The following SLC41A2 variants were observed in gnomAD, a reference collection of about 807,000 sequenced individuals.
SLC41A2 encodes solute carrier family 41 member 2, also known as SLC41A1-like 1.
SLC41A2 carries 32 observed loss-of-function variants against 58.3 expected under a neutral mutation model. The ratio of observed to expected loss-of-function variants is 0.55; its 90% CI spans 0.41 to 0.74. The LOEUF (loss-of-function observed/expected upper bound fraction) is 0.74. Among genes scored for constraint, SLC41A2 ranks in the 30% least tolerant of loss-of-function variants. The pLI is 0.00. For synonymous variants in SLC41A2, 190 were observed against 235.0 expected (o/e 0.81, Z 1.75); for missense variants, 514 against 680.6 (o/e 0.76, Z 2.72).
chr12:104,941,024 G>A (rs185259950), intron 1 of SLC41A2, among the ~76,000 whole-genome samples: 1 of 150,432 alleles, frequency 6.6e-6, no homozygotes, highest in African/African-American at 2.4e-5. Context: ...CTGAATTCAA[G>A]AACTCACATA....
At position 104,952,613 on chromosome 12, in the gene SLC41A2, T is replaced by G. The variant is rs149944767; in HGVS notation, c.-168+5475A>C. ...ATCCAACTTCTTTAATAAGGTTAAC[T>G]AAATCCTGCATAAACACCCCTACTT... On this transcript the variant is annotated intron_variant, in intron 1 of 10. Coordinates refer to ENST00000258538, the MANE Select transcript of SLC41A2 (RefSeq NM_001352171.3). Among the ~76,000 whole-genome samples the G allele has an allele frequency of 6.8e-3, 1,031 of 152,312 alleles. 9 individuals carry two copies. The highest frequency in any genetic ancestry group is 0.024 in the African/African-American group (986 of 41,582).
intron 3 of SLC41A2, among the ~76,000 whole-genome samples, chr12:104,899,033 T>A (rs965289638): frequency 6.6e-6 from 1 of 152,212 alleles, no homozygotes; most frequent in African/African-American, 2.4e-5. Context: ...TGTAAAGGCC[T>A]TTGCTAGGCC....
chr12:104,807,497 G>A (rs2040966638), intron 10 of SLC41A2, among the ~76,000 whole-genome samples: 1 of 152,194 alleles, frequency 6.6e-6, no homozygotes, highest in East Asian at 1.9e-4. Context: ...GTCAGGTAGT[G>A]TGATGCCTCC....
chr12:104,866,587 T>TAAAA lies in SLC41A2; in HGVS notation c.1028-12_1028-9dup. 6 of 1,339,570 alleles carry TAAAA rather than the reference T, an allele frequency of 4.5e-6. No individual in the cohort carries two copies. The highest frequency in any genetic ancestry group is 1.5e-5 in the South Asian group (1 of 66,254). The allele number at this position is 1,339,570 out of a possible 1,614,324, so 83.0% of individuals were successfully genotyped here. ...AAATGTAGTAATAGGTCTCTAAAAT[T>TAAAA]AAAAAAAAAAAAAAAAAGAGAGACA... On this transcript the variant is annotated splice_polypyrimidine_tract_variant and intron_variant, in intron 6 of 10. Transcript: ENST00000258538.
chr12:104,849,125 G>A (rs2042713398), intron 8 of SLC41A2, among the ~76,000 whole-genome samples: 2 of 152,084 alleles, frequency 1.3e-5, no homozygotes, highest in South Asian at 2.1e-4. Flanking sequence ...AGATGATAAC[G>A]AATGGATGAA....
At chr12:104,879,956 G>A (rs1048627647) in intron 6 of SLC41A2, among the ~76,000 whole-genome samples, 6 of 152,032 alleles carry the variant, frequency 3.9e-5, no homozygotes, top group Admixed American at 2.0e-4. Flanking sequence ...GTTGAGCAGT[G>A]GTTTGTAGTT....
chr12:104,830,543 G>A (rs889960765), intron 10 of SLC41A2, among the ~76,000 whole-genome samples: 1 of 151,894 alleles, frequency 6.6e-6, no homozygotes, highest in African/African-American at 2.4e-5. Context: ...GGATGTGGAG[G>A]GCTGGCTGTA....
chr12:104,905,698 C>T (rs989877805), intron 3 of SLC41A2, among the ~76,000 whole-genome samples: 10 of 152,254 alleles, frequency 6.6e-5, no homozygotes, highest in East Asian at 1.9e-4. Context: ...TCGAGCGCAG[C>T]GCCGGTGGGC....
intron 8 of SLC41A2, among the ~76,000 whole-genome samples, chr12:104,847,331 C>G (rs976480837): frequency 6.6e-6 from 1 of 152,006 alleles, no homozygotes; most frequent in Non-Finnish European, 1.5e-5. Context: ...CGGCCAGGAG[C>G]AGTGGCTCCC....
At chr12:104,833,259 A>G (rs76003144) in intron 10 of SLC41A2, among the ~76,000 whole-genome samples, 1,963 of 152,316 alleles carry the variant, frequency 0.013, 53 homozygotes, top group African/African-American at 0.045. Context: ...AAGCTAGCCA[A>G]TCAATGATAG....
intron 8 of SLC41A2, among the ~76,000 whole-genome samples, chr12:104,856,963 T>G (rs2043041077): frequency 6.6e-6 from 1 of 152,068 alleles, no homozygotes; most frequent in East Asian, 1.9e-4. Context: ...TATGATAAAA[T>G]CTAAAAGATA....
At chr12:104,954,722 T>C (rs2048084302) in intron 1 of SLC41A2, among the ~76,000 whole-genome samples, 1 of 152,238 alleles carries the variant, frequency 6.6e-6, no homozygotes, top group Non-Finnish European at 1.5e-5. Context: ...GGTTAATTCA[T>C]ATATCCATCA....
chr12:104,948,618 G>T (rs1483752206), intron 1 of SLC41A2, among the ~76,000 whole-genome samples: 1 of 152,140 alleles, frequency 6.6e-6, no homozygotes, highest in Non-Finnish European at 1.5e-5. Flanking sequence ...AAAGACACAG[G>T]ACTTGAGTTC....
intron 1 of SLC41A2, among the ~76,000 whole-genome samples, chr12:104,953,626 A>G (rs771052266): frequency 1.3e-5 from 2 of 152,174 alleles, no homozygotes; most frequent in African/African-American, 2.4e-5. Flanking sequence ...TTTCCCTTCC[A>G]TTTCCTGGTG....
intron 2 of SLC41A2, among the ~76,000 whole-genome samples, chr12:104,924,004 G>A (rs2046725218): frequency 6.6e-6 from 1 of 152,158 alleles, no homozygotes; most frequent in South Asian, 2.1e-4. Flanking sequence ...AAGAACTTCT[G>A]CCACAGAGGA....
At chr12:104,935,224 G>C (rs951106780) in intron 1 of SLC41A2, among the ~76,000 whole-genome samples, 2 of 152,086 alleles carry the variant, frequency 1.3e-5, no homozygotes, top group African/African-American at 4.8e-5. Flanking sequence ...CTCCCAAAGT[G>C]CTGGGATCAT....
At chr12:104,852,642 C>T (rs185734339) in intron 8 of SLC41A2, among the ~76,000 whole-genome samples, 6 of 152,090 alleles carry the variant, frequency 3.9e-5, no homozygotes, top group Admixed American at 6.5e-5. Flanking sequence ...TATAATTGTA[C>T]CAAACTAAAA....
Position 104,818,608 on chromosome 12 carries a change from G to A in SLC41A2, c.1537-13271C>T, listed in dbSNP as rs77676009. ...AGAGAAAACAGGACAGCCGGGTGCG[G>A]TGGCTCATACCTGTAAGCCCAACAC... On this transcript the variant is annotated intron_variant, in intron 10 of 10. Coordinates refer to ENST00000258538, the MANE Select transcript of SLC41A2 (RefSeq NM_001352171.3). Among the ~76,000 whole-genome samples the A allele has an allele frequency of 5.9e-3, 900 of 152,278 alleles. 17 individuals are homozygous for A. The highest frequency in any genetic ancestry group is 0.02 in the African/African-American group (846 of 41,530).
intron 8 of SLC41A2, among the ~76,000 whole-genome samples, chr12:104,849,487 G>A (rs1424440827): frequency 6.6e-6 from 1 of 152,192 alleles, no homozygotes; most frequent in Non-Finnish European, 1.5e-5. Context: ...GCTAGCAAGA[G>A]TGTCAACTGT....
Sources: allele counts gnomAD v4.1 joint callset (sites outside exome capture counted in the v4.1 genomes callset), GRCh38; gene constraint gnomAD v4.1.1; transcripts MANE v1.5; gene names NCBI Gene and HGNC (gene_info 2026-07-23, HGNC 2026-07-21).